The following FCRL3 variants were observed in gnomAD, a reference collection of about 807,000 sequenced individuals.
The protein encoded by FCRL3 is Fc receptor-like protein 3.
A neutral mutation model predicts 75.0 loss-of-function variants in FCRL3; 89 were observed. That is an observed-to-expected ratio of 1.19 (90% CI 1.00 to 1.42). The LOEUF (loss-of-function observed/expected upper bound fraction) is 1.42, where lower values mean the gene tolerates loss of function less well. Ranked by LOEUF, FCRL3 falls within the 40% of genes most tolerant of loss-of-function variation. The probability of loss-of-function intolerance (pLI) is 0.00; values close to 1 mark genes in which losing one functional copy is unlikely to be tolerated. For missense variants in FCRL3, 946 were observed against 880.0 expected (o/e 1.07, Z -0.95); for synonymous variants, 376 against 348.5 (o/e 1.08, Z -0.88).
At chr1:157,682,624 T>C (rs577312937) in intron 11 of FCRL3, among the ~76,000 whole-genome samples, 47 of 152,366 alleles carry the variant, frequency 3.1e-4, no homozygotes, top group African/African-American at 1.1e-3. Context: ...ATTTGACTAA[T>C]TTTAAATGTT....
rs371251944 is a variant in FCRL3 at position 157,697,801 on chromosome 1, C to A, written c.417G>T (p.Gln139His). The A allele has an allele frequency of 6.2e-7, 1 of 1,614,048 alleles. No homozygotes were observed. Among genetic ancestry groups the A allele is most frequent in the African/African-American group, 1.3e-5 (1 of 74,926 alleles). ...TCTCTAAATTATAACTATTAGGAAG[C>A]TGTTTTCCATCCTTGTAGTAAACCT... ...HQKVYYKDGK[Q>H]LPNSYNLEKI... is the part of the protein sequence containing the mutation. Residue 139 changes from glutamine to histidine, a missense_variant, in exon 5 of 15, where the codon CAG becomes CAT. Physicochemically the swap from Gln to His is conservative, Grantham distance 24 (BLOSUM62 0). Coordinates refer to ENST00000368184, the MANE Select transcript of FCRL3 (RefSeq NM_052939.4).
At chr1:157,692,769 CTT>C (rs971909172) in intron 8 of FCRL3, among the ~76,000 whole-genome samples, 1 of 152,120 alleles carries the variant, frequency 6.6e-6, no homozygotes, top group African/African-American at 2.4e-5. Context: ...TAAAAAGTGA[CTT>C]TTAACAGTAT....
At chr1:157,693,274 C>CAAAA (rs375572340) in intron 8 of FCRL3, among the ~76,000 whole-genome samples, 1 of 54,738 alleles carries the variant, frequency 1.8e-5, no homozygotes, top group African/African-American at 7.1e-5. Flanking sequence ...GACTCCATCT[C>CAAAA]AAAAAAAAAA....
intron 4 of FCRL3, 120 bp from the exon 5 acceptor site, chr1:157,698,039 A>C: frequency 8.5e-7 from 1 of 1,172,128 alleles, no homozygotes; most frequent in Non-Finnish European, 1.2e-6. Flanking sequence ...CCCCACCCAC[A>C]TTGCCATGTG....
At chr1:157,689,955 A>C in intron 9 of FCRL3, 38 bp from the exon 10 acceptor site, 1 of 1,610,694 alleles carries the variant, frequency 6.2e-7, no homozygotes, top group South Asian at 1.1e-5. Flanking sequence ...TCAGTGGCAC[A>C]GGTTTTGGAT....
intron 10 of FCRL3, among the ~76,000 whole-genome samples, chr1:157,685,004 G>A (rs1166720636): frequency 6.6e-6 from 1 of 151,988 alleles, no homozygotes; most frequent in Non-Finnish European, 1.5e-5. Flanking sequence ...TTGGTGAACT[G>A]TCCTAATTCC....
At chr1:157,692,265 G>A (rs1371760387) in intron 8 of FCRL3, among the ~76,000 whole-genome samples, 3 of 151,602 alleles carry the variant, frequency 2.0e-5, no homozygotes, top group Admixed American at 1.3e-4. Flanking sequence ...TTGAGACAGG[G>A]TCTCACTCTG....
At chr1:157,697,614 A>C in intron 5 of FCRL3, 45 bp downstream of exon 5, 2 of 1,578,152 alleles carry the variant, frequency 1.3e-6, no homozygotes, top group Non-Finnish European at 8.6e-7. Context: ...CTTTATCCCC[A>C]GTTTCCCTAA....
intron 8 of FCRL3, among the ~76,000 whole-genome samples, chr1:157,693,876 T>C (rs1237300466): frequency 1.3e-5 from 2 of 152,050 alleles, no homozygotes; most frequent in Non-Finnish European, 2.9e-5. Flanking sequence ...GCCTCCCAAG[T>C]ATCTGAGAGT....
intron 3 of FCRL3, among the ~76,000 whole-genome samples, 177 bp from the exon 4 acceptor site, chr1:157,698,806 C>T (rs1355309001): frequency 6.6e-6 from 1 of 152,180 alleles, no homozygotes; most frequent in Non-Finnish European, 1.5e-5. Context: ...TGTTCTTCCT[C>T]ATCCATTTCC....
Position 157,678,935 on chromosome 1 carries a change from G to A in FCRL3, c.2058+7C>T. 1 of 1,614,100 alleles carries A rather than the reference G, an allele frequency of 6.2e-7. No homozygotes were observed. Among genetic ancestry groups the A allele is most frequent in the East Asian group, 2.2e-5 (1 of 44,872 alleles). On this transcript the variant is annotated splice_region_variant and intron_variant, in intron 14 of 14. Transcript: ENST00000368184. ...GAGAGGAAAGAAAGCCAAGAAATGT[G>A]ACTCACCTCATGCTCTTGATGCATC...
At chr1:157,679,042 A>G in intron 13 of FCRL3, 69 bp from the exon 14 acceptor site, 4 of 1,526,648 alleles carry the variant, frequency 2.6e-6, no homozygotes, top group Non-Finnish European at 3.6e-6. Context: ...CAACGTACGC[A>G]CACTGCATTC....
chr1:157,678,864 A>G lies in FCRL3; in HGVS notation c.2059-8T>C, dbSNP rs1171331599. 1.2e-6 allele frequency: 2 copies of G among 1,613,912 alleles called. No homozygotes were observed. The highest frequency in any genetic ancestry group is 1.3e-5 in the African/African-American group (1 of 74,906). On this transcript the variant is annotated splice_polypyrimidine_tract_variant and splice_region_variant and intron_variant, in intron 14 of 14. Coordinates refer to ENST00000368184, the MANE Select transcript of FCRL3 (RefSeq NM_052939.4). ...ATAGAGGACTGTAAGTTCCTGGTAG[A>G]AAAAAACACAAAAGGTAAGTACCTA...
intron 5 of FCRL3, 61 bp downstream of exon 5, chr1:157,697,598 T>C: frequency 6.5e-7 from 1 of 1,547,976 alleles, no homozygotes; most frequent in Non-Finnish European, 8.7e-7. Context: ...CTGATAAACA[T>C]CTTCCCTTTA....
In FCRL3 at chr1:157,695,523, G is replaced by T; in HGVS notation, c.1217C>A (p.Ser406Tyr). ...CAGGATCGGGGGAGAGCCTCTCAGGGACTCACAGTGAAGCTCCAGCAGGTC... is the reference window on the plus strand; with the variant it reads ...CAGGATCGGGGGAGAGCCTCTCAGGTACTCACAGTGAAGCTCCAGCAGGTC... Reference protein sequence around the residue: ...VGDLLELHCESLRGSPPILYR... With the variant: ...VGDLLELHCEYLRGSPPILYR... Residue 406 changes from serine to tyrosine, a missense_variant, in exon 8 of 15, where the codon TCC becomes TAC. By Grantham distance (144) the Ser-to-Tyr change is moderately radical. Transcript: ENST00000368184. The T allele has an allele frequency of 6.2e-7, 1 of 1,614,146 alleles. No homozygotes were observed. The highest frequency in any genetic ancestry group is 8.5e-7 in the Non-Finnish European group (1 of 1,180,026).
chr1:157,678,912 G>A (rs912794034), intron 14 of FCRL3, 30 bp downstream of exon 14: 1 of 1,614,138 alleles, frequency 6.2e-7, no homozygotes, highest in African/African-American at 1.3e-5. Flanking sequence ...GAAGGCCAGA[G>A]AGGAAAGAAA....
At chr1:157,698,125 A>G (rs1306072619) in intron 4 of FCRL3, 24 of 724,754 alleles carry the variant, frequency 3.3e-5, no homozygotes, top group South Asian at 3.1e-4. Flanking sequence ...AAATCTTCAC[A>G]TGTCTTTTCA....
chr1:157,679,506 AGT>A (rs1557819491), intron 13 of FCRL3, among the ~76,000 whole-genome samples: 1 of 152,154 alleles, frequency 6.6e-6, no homozygotes, highest in Non-Finnish European at 1.5e-5. Context: ...GAGAAAATTT[AGT>A]GTGTGTGTAT....
chr1:157,693,931 T>C (rs1655731607), intron 8 of FCRL3, among the ~76,000 whole-genome samples: 1 of 152,072 alleles, frequency 6.6e-6, no homozygotes, highest in Non-Finnish European at 1.5e-5. Context: ...TATTTTTTTG[T>C]AGAGACAGGG....
Sources: gnomAD v4.1 joint callset for allele counts (sites outside exome capture counted in the v4.1 genomes callset) on GRCh38, gnomAD v4.1.1 for gene constraint, MANE v1.5 for transcripts, NCBI Gene and HGNC (gene_info 2026-07-23, HGNC 2026-07-21) for gene names.